Variants in UBR4 observed in about 807,000 individuals in gnomAD.
UBR4 encodes the protein ubiquitin protein ligase E3 component n-recognin 4, also known as E3 ubiquitin-protein ligase UBR4.
A neutral mutation model predicts 575.6 loss-of-function variants in UBR4; 124 were observed. The observed-to-expected ratio is 0.22, with a 90% CI of 0.19 to 0.25. UBR4 has a LOEUF of 0.25. UBR4 is among the 10% of genes least tolerant of loss of function. The pLI, the probability that UBR4 is intolerant of heterozygous loss-of-function variation, is 1.00. For synonymous variants in UBR4, 2,455 were observed against 2,473.7 expected (o/e 0.99, Z 0.22); for missense variants, 4,818 against 6,478.8 (o/e 0.74, Z 8.80).
intron 60 of UBR4, among the ~76,000 whole-genome samples, chr1:19,137,601 G>T (rs145423931): frequency 1.3e-5 from 2 of 152,268 alleles, no homozygotes; most frequent in African/African-American, 4.8e-5. Flanking sequence ...GCTGAACAAG[G>T]AGCGCTTCTA....
chr1:19,098,025 AT>A (rs1243265800), intron 90 of UBR4, among the ~76,000 whole-genome samples: 3 of 152,320 alleles, frequency 2.0e-5, no homozygotes, highest in Non-Finnish European at 4.4e-5. Flanking sequence ...TATTATTCTC[AT>A]TTTGCAGACT....
In UBR4 at chr1:19,152,811, GA is replaced by G. The variant is rs1304046961; in HGVS notation, c.6833-336del. 7.2e-5 allele frequency among the ~76,000 whole-genome samples: 11 copies of G among 152,290 alleles called. No individual in the cohort carries two copies. The highest frequency in any genetic ancestry group is 1.6e-4 in the Non-Finnish European group (11 of 68,008). Reference sequence around the variant, plus strand: ...ATGAATAAACCATTCTTTCAAAATAGACTGTAGAGCAAATTTAAGGTAATGT... The same window carrying G: ...ATGAATAAACCATTCTTTCAAAATAGCTGTAGAGCAAATTTAAGGTAATGT... On this transcript the variant is annotated intron_variant, in intron 46 of 105. Coordinates refer to ENST00000375254, the MANE Select transcript of UBR4 (RefSeq NM_020765.3). This position sits in a 1 kb window ranked among gnomAD's most constrained non-coding sequence, Gnocchi z 4.4.
At chr1:19,086,958 G>A (rs1299595928) in intron 99 of UBR4, 137 bp from the exon 100 acceptor site, 3 of 1,230,632 alleles carry the variant, frequency 2.4e-6, no homozygotes, top group African/African-American at 3.0e-5. Flanking sequence ...AAGTTCAGAA[G>A]AGCAGGTAAG....
Position 19,087,944 on chromosome 1 carries a change from C to T in UBR4, c.14431-15G>A, listed in dbSNP as rs1176991964. 3.8e-6 allele frequency: 6 copies of T among 1,586,834 alleles called. No individual in the cohort carries two copies. The highest frequency in any genetic ancestry group is 5.2e-6 in the Non-Finnish European group (6 of 1,161,992). ...TTTTCATTTGTCTGTAGGGGAACCC[C>T]GGTGGCATGTCAAGGGGATTTCCAC... On this transcript the variant is annotated splice_polypyrimidine_tract_variant and intron_variant, in intron 98 of 105. Coordinates refer to ENST00000375254, the MANE Select transcript of UBR4 (RefSeq NM_020765.3).
intron 86 of UBR4, 26 bp downstream of exon 86, chr1:19,104,559 A>T: frequency 3.7e-6 from 6 of 1,612,864 alleles, no homozygotes; most frequent in Non-Finnish European, 5.1e-6. Flanking sequence ...AGGATGCCCT[A>T]AAGGAAGGTC....
chr1:19,081,896 A>G, intron 102 of UBR4: 2 of 620,708 alleles, frequency 3.2e-6, no homozygotes, highest in South Asian at 2.0e-5. Context: ...TCTCCCCAAC[A>G]TGGAACTGTG....
chr1:19,137,989 G>A lies in UBR4; in HGVS notation c.8906+18C>T, dbSNP rs749180108. 10 of 1,474,568 alleles carry A rather than the reference G, an allele frequency of 6.8e-6. No homozygotes were observed. The South Asian group carries it at 1.2e-4, about 18-fold the overall frequency. The allele number at this position is 1,474,568 out of a possible 1,614,324, so 91.3% of individuals were successfully genotyped here. On this transcript the variant is annotated intron_variant, in intron 60 of 105. Coordinates refer to ENST00000375254, the MANE Select transcript of UBR4 (RefSeq NM_020765.3). Reference sequence around the variant, plus strand: ...TCAGATAGGCAAGCCTCTTAACTGTGAAGGACTAGGTCTTGACCTGTTGCT... The same window carrying A: ...TCAGATAGGCAAGCCTCTTAACTGTAAAGGACTAGGTCTTGACCTGTTGCT...
In UBR4 at chr1:19,101,506, AC is replaced by A. The variant is rs756169225; in HGVS notation, c.13023+13del. 140 of 1,604,232 alleles carry A rather than the reference AC, an allele frequency of 8.7e-5. 1 individual carries two copies. Among genetic ancestry groups the A allele is most frequent in the Admixed American group, 7.3e-4 (44 of 59,880 alleles). On this transcript the variant is annotated intron_variant, in intron 88 of 105. Coordinates refer to ENST00000375254, the MANE Select transcript of UBR4 (RefSeq NM_020765.3). ...CTGACACTCGAGAGCCATGGGAAGC[AC>A]CGCACTGCTTACAGGATAAATGATG...
chr1:19,139,023 A>G lies in UBR4; in HGVS notation c.8731+60T>C, dbSNP rs933246964. ...AACCAACCCCAAGACCCAAGCAGAG[A>G]TTCCTGTTTTGTCCCCACCCTCTGC... On this transcript the variant is annotated intron_variant, in intron 59 of 105. Coordinates refer to ENST00000375254, the MANE Select transcript of UBR4 (RefSeq NM_020765.3). This position sits in a 1 kb window ranked among gnomAD's most constrained non-coding sequence, Gnocchi z 4.2. 4 of 1,517,660 alleles carry G rather than the reference A, an allele frequency of 2.6e-6. No individual in the cohort carries two copies. In the African/African-American group the frequency reaches 5.5e-5, roughly 21 times the overall value. The allele number at this position is 1,517,660 out of a possible 1,614,324, so 94.0% of individuals were successfully genotyped here. A position where few individuals can be genotyped will look rare whatever the true frequency, so the allele number is the denominator to read the frequency against.
At chr1:19,143,877 C>G in intron 55 of UBR4, 103 bp downstream of exon 55, 1 of 1,056,144 alleles carries the variant, frequency 9.5e-7, no homozygotes, top group South Asian at 1.4e-5. Flanking sequence ...ATAAAGTCTC[C>G]AGGACCTTGG....
At position 19,093,574 on chromosome 1, in the gene UBR4, T is replaced by C; in HGVS notation, c.13938-88A>G. 3.5e-6 allele frequency: 5 copies of C among 1,415,704 alleles called. No individual in the cohort carries two copies. Among genetic ancestry groups the C allele is most frequent in the Non-Finnish European group, 4.8e-6 (5 of 1,033,676 alleles). 87.7% of individuals were successfully genotyped at this position (1,415,704 alleles called of 1,614,324 possible). On this transcript the variant is annotated intron_variant, in intron 95 of 105. Coordinates refer to ENST00000375254, the MANE Select transcript of UBR4 (RefSeq NM_020765.3). The surrounding 1 kb of genome is among the most constrained non-coding windows in gnomAD (Gnocchi z 4.8). ...TCTTGGTTAACAACTGTCAACAGCC[T>C]ATAGAAGATCAAGGCTAAATTCCCT...
chr1:19,197,344 A>G, intron 7 of UBR4, 79 bp from the exon 8 acceptor site: 1 of 1,583,344 alleles, frequency 6.3e-7, no homozygotes, highest in African/African-American at 1.3e-5. Context: ...AATTATCAGC[A>G]TGGGCCCGGC....
At chr1:19,156,686 A>C in intron 41 of UBR4, 81 bp downstream of exon 41, 1 of 1,521,080 alleles carries the variant, frequency 6.6e-7, no homozygotes, top group Non-Finnish European at 8.8e-7. Flanking sequence ...ACGAATAAGA[A>C]AAAGTAGTTC....
intron 67 of UBR4, 43 bp downstream of exon 67, chr1:19,121,891 G>A: frequency 6.2e-7 from 1 of 1,608,430 alleles, no homozygotes. Context: ...AACAGTTCCT[G>A]AATGAATGAA....
chr1:19,160,148 G>A lies in UBR4; in HGVS notation c.5540C>T (p.Thr1847Ile), dbSNP rs750511614. The change falls in exon 39 of 106, where the codon ACT becomes ATT. Residue 1847 changes from threonine to isoleucine, a missense_variant. Physicochemically the swap from Thr to Ile is moderately conservative, Grantham distance 89. Transcript: ENST00000375254. The stretch of plus-strand genomic sequence containing the variant: ...TGTCATCTCCACTGCCTTCTCCACA[G>A]TGTGTAGCTCACTGAGGGCTTGCTG... ...RAQQALSELH[T>I]VEKAVEMTDQ... 1.2e-6 allele frequency: 2 copies of A among 1,613,524 alleles called. No homozygotes were observed. Among genetic ancestry groups the A allele is most frequent in the Non-Finnish European group, 1.7e-6 (2 of 1,179,812 alleles).
intron 20 of UBR4, among the ~76,000 whole-genome samples, chr1:19,175,429 C>T (rs1319872979): frequency 6.6e-6 from 1 of 151,948 alleles, no homozygotes; most frequent in Admixed American, 6.6e-5. Context: ...GTTTCCCTAA[C>T]ATCAAATAGT....
Position 19,093,576 on chromosome 1 carries a change from T to A in UBR4, c.13938-90A>T. The A allele has an allele frequency of 7.1e-7, 1 of 1,403,698 alleles. No individual in the cohort carries two copies. Among genetic ancestry groups the A allele is most frequent in the Non-Finnish European group, 9.8e-7 (1 of 1,023,644 alleles). The allele number at this position is 1,403,698 out of a possible 1,614,324, so 87.0% of individuals were successfully genotyped here. On this transcript the variant is annotated intron_variant, in intron 95 of 105. Transcript: ENST00000375254. The surrounding 1 kb of genome is among the most constrained non-coding windows in gnomAD (Gnocchi z 4.8). ...TTGGTTAACAACTGTCAACAGCCTA[T>A]AGAAGATCAAGGCTAAATTCCCTAA...
intron 30 of UBR4, 79 bp downstream of exon 30, chr1:19,165,576 AC>A: frequency 7.1e-7 from 1 of 1,415,868 alleles, no homozygotes; most frequent in Admixed American, 1.9e-5. Context: ...GATAATAAGT[AC>A]CTAAATCAAC....
In UBR4 at chr1:19,139,529, T is replaced by G. The variant is rs910496868; in HGVS notation, c.8594-309A>C. Among the ~76,000 whole-genome samples, 1 of 152,174 alleles carries G rather than the reference T, an allele frequency of 6.6e-6. No individual in the cohort carries two copies. The highest frequency in any genetic ancestry group is 2.4e-5 in the African/African-American group (1 of 41,444). On this transcript the variant is annotated intron_variant, in intron 58 of 105. Transcript: ENST00000375254. This position sits in a 1 kb window ranked among gnomAD's most constrained non-coding sequence, Gnocchi z 4.2. Reference sequence around the variant, plus strand: ...AGTGCAAGTAGAACAGTGCAGAGATTCAGTAAGAATCTGTGACATGGACGC... The same window carrying G: ...AGTGCAAGTAGAACAGTGCAGAGATGCAGTAAGAATCTGTGACATGGACGC...
Sources: allele counts gnomAD v4.1 joint callset (sites outside exome capture counted in the v4.1 genomes callset), GRCh38; gene constraint gnomAD v4.1.1; non-coding constraint Gnocchi (gnomAD v3.1); transcripts MANE v1.5; gene names NCBI Gene and HGNC (gene_info 2026-07-23, HGNC 2026-07-21).